The following SYNE2 variants were observed in gnomAD, a reference collection of about 807,000 sequenced individuals.
SYNE2 encodes nesprin-2.
A neutral mutation model predicts 856.3 loss-of-function variants in SYNE2; 431 were observed. The ratio of observed to expected loss-of-function variants is 0.50; its 90% CI spans 0.47 to 0.55. The LOEUF (loss-of-function observed/expected upper bound fraction) is 0.55, where lower values mean the gene tolerates loss of function less well. Ranked by LOEUF, SYNE2 falls within the 20% of genes least tolerant of loss-of-function variation. The probability of loss-of-function intolerance (pLI) is 0.00; values close to 1 mark genes in which losing one functional copy is unlikely to be tolerated. For missense variants in SYNE2, 8,129 were observed against 8,023.2 expected (o/e 1.01, Z -0.50); for synonymous variants, 2,923 against 2,872.3 (o/e 1.02, Z -0.56).
At chr14:63,816,084 G>A (rs1888977247) in intron 1 of SYNE2, among the ~76,000 whole-genome samples, 1 of 151,784 alleles carries the variant, frequency 6.6e-6, no homozygotes, top group South Asian at 2.1e-4. Context: ...AAGTAGATGG[G>A]ATTACAGGCA....
intron 2 of SYNE2, among the ~76,000 whole-genome samples, chr14:63,934,361 T>C (rs1177291228): frequency 6.6e-6 from 1 of 152,116 alleles, no homozygotes; most frequent in Non-Finnish European, 1.5e-5. Flanking sequence ...TTGATTATTT[T>C]AAATTCAAGT....
At chr14:63,940,070 ATT>A (rs10666086) in intron 2 of SYNE2, among the ~76,000 whole-genome samples, 1 of 129,376 alleles carries the variant, frequency 7.7e-6, no homozygotes, top group African/African-American at 2.9e-5. Flanking sequence ...GTCTCAGTTC[ATT>A]TTTTTTTTTT....
chr14:64,194,678 G>A (rs927755004), intron 99 of SYNE2, among the ~76,000 whole-genome samples: 9 of 152,200 alleles, frequency 5.9e-5, no homozygotes, highest in Non-Finnish European at 1.2e-4. Flanking sequence ...TACAGAAGGT[G>A]TCCTTCAGAA....
chr14:64,167,282 A>G lies in SYNE2; in HGVS notation c.16655A>G (p.Asn5552Ser). 1.9e-6 allele frequency: 3 copies of G among 1,614,256 alleles called. No homozygotes were observed. Among genetic ancestry groups the G allele is most frequent in the Non-Finnish European group, 2.5e-6 (3 of 1,180,042 alleles). Residue 5552 changes from asparagine to serine, a missense_variant, in exon 91 of 116, where the codon AAT becomes AGT. Around this residue, in one of 3 missense-constraint regions of SYNE2, gnomAD observed 5,410 missense variants for 5,284.8 expected, o/e 1.02. Transcript: ENST00000555002. Reference sequence around the variant, plus strand: ...CAATCACCTGATATTGAACATTTGAATGAAGTGAGCCTCAAGCTCCCACTT... The same window carrying G: ...CAATCACCTGATATTGAACATTTGAGTGAAGTGAGCCTCAAGCTCCCACTT... The part of the protein sequence containing the change: ...TAQSPDIEHL[N>S]EVSLKLPLSD...
Position 64,170,192 on chromosome 14 carries a change from G to A in SYNE2, c.17001-36G>A, listed in dbSNP as rs370429865. 30 of 1,593,030 alleles carry A rather than the reference G, an allele frequency of 1.9e-5. No homozygotes were observed. The Middle Eastern group carries it at 6.2e-4, about 33-fold the overall frequency. On this transcript the variant is annotated intron_variant, in intron 93 of 115. Coordinates refer to ENST00000555002, the MANE Select transcript of SYNE2 (RefSeq NM_182914.3). ...CTGATAGTTATTTTTTCTACATGTC[G>A]ATGTCTGGATTCTATAACCATTTGT...
intron 108 of SYNE2, among the ~76,000 whole-genome samples, chr14:64,216,788 G>A (rs558905262): frequency 3.9e-5 from 6 of 152,284 alleles, no homozygotes; most frequent in East Asian, 1.9e-4. Flanking sequence ...GCACTGGCAC[G>A]ATCTTGACTT....
intron 1 of SYNE2, among the ~76,000 whole-genome samples, chr14:63,804,072 T>C (rs1888265381): frequency 6.6e-6 from 1 of 152,170 alleles, no homozygotes; most frequent in African/African-American, 2.4e-5. Context: ...GATTATAAGT[T>C]TCCTGAGGCA....
chr14:63,858,818 A>G (rs1282988782), intron 1 of SYNE2, among the ~76,000 whole-genome samples: 1 of 152,198 alleles, frequency 6.6e-6, no homozygotes. Context: ...TTTTGAAGAT[A>G]CTGTTCTTAA....
chr14:64,097,142 A>G (rs1006710709), intron 61 of SYNE2, among the ~76,000 whole-genome samples: 6 of 152,232 alleles, frequency 3.9e-5, no homozygotes, highest in African/African-American at 1.4e-4. Flanking sequence ...CATATCTGCC[A>G]TGAATAAGAA....
intron 8 of SYNE2, 77 bp from the exon 9 acceptor site, chr14:63,961,448 C>G (rs2096313083): frequency 1.6e-6 from 2 of 1,225,524 alleles, no homozygotes; most frequent in South Asian, 1.3e-5. Context: ...ATGGCAGAGG[C>G]TATGGCATAG....
chr14:63,884,835 T>C (rs1219480146), intron 1 of SYNE2, among the ~76,000 whole-genome samples: 1 of 151,696 alleles, frequency 6.6e-6, no homozygotes, highest in Non-Finnish European at 1.5e-5. Context: ...AGAGATGGGG[T>C]TTCACCGGGT....
At chr14:63,846,582 TTC>T (rs1555344380) in intron 1 of SYNE2, among the ~76,000 whole-genome samples, 22 of 121,224 alleles carry the variant, frequency 1.8e-4, no homozygotes, top group Non-Finnish European at 3.4e-4. Context: ...AGGTTTTTTT[TTC>T]TGTTTTTTGT....
chr14:63,995,349 A>G (rs867207489), intron 23 of SYNE2, 147 bp downstream of exon 23: 68 of 627,732 alleles, frequency 1.1e-4, no homozygotes, highest in Middle Eastern at 1.1e-3. Flanking sequence ...TTTGCTTCAC[A>G]CTCGCAGCAG....
intron 1 of SYNE2, among the ~76,000 whole-genome samples, chr14:63,866,104 A>G (rs1263656563): frequency 6.6e-6 from 1 of 152,138 alleles, no homozygotes; most frequent in Non-Finnish European, 1.5e-5. Context: ...CCCAAAATAC[A>G]TATAATATGT....
At chr14:64,209,305 T>G in intron 101 of SYNE2, 123 bp from the exon 102 acceptor site, 1 of 1,511,670 alleles carries the variant, frequency 6.6e-7, no homozygotes, top group Non-Finnish European at 9.1e-7. Flanking sequence ...GCGTCCCTCT[T>G]ATTTCCCAGA....
chr14:63,856,109 A>G (rs1891658365), intron 1 of SYNE2, among the ~76,000 whole-genome samples: 1 of 152,118 alleles, frequency 6.6e-6, no homozygotes, highest in South Asian at 2.1e-4. Context: ...TGGTGTGTGG[A>G]TTTATTGGAA....
At chr14:64,070,555 G>T in intron 51 of SYNE2, 90 bp from the exon 52 acceptor site, 2 of 1,116,980 alleles carry the variant, frequency 1.8e-6, no homozygotes, top group South Asian at 1.4e-5. Context: ...ACCCTTTGAA[G>T]AGAGAGCATA....
At chr14:63,861,144 G>GTTTT (rs71123806) in intron 1 of SYNE2, among the ~76,000 whole-genome samples, 1 of 128,372 alleles carries the variant, frequency 7.8e-6, no homozygotes, top group Non-Finnish European at 1.6e-5. Flanking sequence ...TTACCACATT[G>GTTTT]TTTTTTTTTT....
rs2153665864 is a variant in SYNE2 at position 64,121,016 on chromosome 14, T to C, written c.13113T>C (p.Thr4371=). 2 of 1,614,156 alleles carry C rather than the reference T, an allele frequency of 1.2e-6. No homozygotes were observed. The highest frequency in any genetic ancestry group is 1.7e-6 in the Non-Finnish European group (2 of 1,180,010). ...TTTCTGAATTGGAATCCATTGTAAC[T>C]GAAAGGCCACAATTCAGCAGACAAA... ...VNLSELESIV[T]ERPQFSRQKD... Residue 4371 remains threonine, a synonymous_variant, in exon 68 of 116, where the codon ACT becomes ACC. Coordinates refer to ENST00000555002, the MANE Select transcript of SYNE2 (RefSeq NM_182914.3).
Sources: allele counts gnomAD v4.1 joint callset (sites outside exome capture counted in the v4.1 genomes callset), GRCh38; gene constraint gnomAD v4.1.1; regional missense constraint gnomAD v4.1.1; transcripts MANE v1.5; gene names NCBI Gene and HGNC (gene_info 2026-07-23, HGNC 2026-07-21).